Variants in ARHGAP32 observed in about 807,000 individuals in gnomAD.
ARHGAP32 encodes the protein rho GTPase-activating protein 32.
ARHGAP32 carries 51 observed loss-of-function variants against 186.5 expected under a neutral mutation model. The observed-to-expected ratio is 0.27, with a 90% confidence interval of 0.22 to 0.35. The LOEUF is 0.35. ARHGAP32 is among the 10% of genes least tolerant of loss of function. ARHGAP32 has a pLI of 1.00. For synonymous variants in ARHGAP32, 950 were observed against 964.3 expected, an observed-to-expected ratio of 0.99 and a Z score of 0.27; for missense variants, 2,186 against 2,623.5, an observed-to-expected ratio of 0.83 and a Z score of 3.64.
At chr11:129,196,893 C>T (rs1944398978), upstream of ARHGAP32, among the ~76,000 whole-genome samples, 1 of 151,900 alleles carries the variant, frequency 6.6e-6, no homozygotes, top group African/African-American at 2.4e-5. Context: ...CCCGTCTCTA[C>T]TAAAAATATA....
At chr11:129,275,178 G>C (rs1314096385) in intron 1 of ARHGAP32, among the ~76,000 whole-genome samples, 1 of 152,132 alleles carries the variant, frequency 6.6e-6, no homozygotes, top group African/African-American at 2.4e-5. Context: ...ATAACACTCA[G>C]GAAAATAACT....
chr11:129,186,444 G>A (rs146385640), intron 1 of ARHGAP32, among the ~76,000 whole-genome samples: 82 of 152,292 alleles, frequency 5.4e-4, no homozygotes, highest in African/African-American at 2.0e-3. Context: ...AATGTTCTGA[G>A]ATTAAGGGAT....
chr11:128,976,240 C>T (rs995355421), intron 20 of ARHGAP32, among the ~76,000 whole-genome samples: 4 of 151,984 alleles, frequency 2.6e-5, no homozygotes, highest in African/African-American at 9.7e-5. Flanking sequence ...AACTCTTATG[C>T]TCCCATTGTA....
intron 1 of ARHGAP32, among the ~76,000 whole-genome samples, chr11:129,200,044 C>T (rs1387242524): frequency 6.6e-6 from 1 of 152,146 alleles, no homozygotes; most frequent in Non-Finnish European, 1.5e-5. Flanking sequence ...GGCCCTGTAG[C>T]CCCTTTGGTT....
chr11:129,049,310 G>A (rs1565395722), intron 10 of ARHGAP32, among the ~76,000 whole-genome samples: 1 of 152,188 alleles, frequency 6.6e-6, no homozygotes, highest in African/African-American at 2.4e-5. Flanking sequence ...AGAAGAGACA[G>A]ATATGATCAA....
chr11:129,123,018 G>A lies in ARHGAP32; in HGVS notation c.444+428C>T, dbSNP rs1487527824. On this transcript the variant is annotated intron_variant, in intron 5 of 22. Transcript: ENST00000682385. The surrounding 1 kb of genome is among the most constrained non-coding windows in gnomAD (Gnocchi z 4.6). ...GATGTCAAGTTAGATTCAATAATTT[G>A]TATGTGAATGAAAAGGCAGTAACAG... Among the ~76,000 whole-genome samples the A allele has an allele frequency of 6.6e-6, 1 of 152,052 alleles. No homozygotes were observed. The highest frequency in any genetic ancestry group is 2.4e-5 in the African/African-American group (1 of 41,426).
chr11:129,015,464 T>C (rs1565376732), intron 11 of ARHGAP32, among the ~76,000 whole-genome samples: 1 of 152,222 alleles, frequency 6.6e-6, no homozygotes, highest in South Asian at 2.1e-4. Context: ...AATCTTAACA[T>C]TGTGCCACAT....
chr11:129,114,783 G>A (rs1942317593), intron 5 of ARHGAP32, among the ~76,000 whole-genome samples: 1 of 151,956 alleles, frequency 6.6e-6, no homozygotes, highest in Admixed American at 6.6e-5. Context: ...ATCTATCTTT[G>A]GAGTTATTTT....
In ARHGAP32 at chr11:129,258,750, G is replaced by T. The variant is rs190669655; in HGVS notation, c.-5+20396C>A. The stretch of plus-strand genomic sequence containing the variant: ...AAACTTCCTAAATAATTTTTCACAG[G>T]ACTATGATGAACAAATTCTCCAACT... On this transcript the variant is annotated intron_variant, in intron 1 of 6. Coordinates refer to the ARHGAP32 transcript ENST00000525234. Among the ~76,000 whole-genome samples the T allele has an allele frequency of 5.9e-5, 9 of 152,260 alleles. No individual in the cohort carries two copies. In the East Asian group the frequency reaches 1.7e-3, roughly 29 times the overall value.
intron 1 of ARHGAP32, among the ~76,000 whole-genome samples, chr11:129,165,929 T>C (rs939135639): frequency 5.9e-5 from 9 of 152,122 alleles, no homozygotes; most frequent in South Asian, 4.1e-4. Flanking sequence ...GAGGAATACA[T>C]AAGAAGAATT....
chr11:129,128,892 T>C (rs572869514), intron 2 of ARHGAP32, among the ~76,000 whole-genome samples: 2 of 152,184 alleles, frequency 1.3e-5, no homozygotes, highest in African/African-American at 4.8e-5. Context: ...GTGCTCAATG[T>C]TGCCCAGGCT....
In ARHGAP32 at chr11:129,009,248, AT is replaced by A. The variant is rs568573523; in HGVS notation, c.1046-10781del. Among the ~76,000 whole-genome samples, 898 of 151,798 alleles carry A rather than the reference AT, an allele frequency of 5.9e-3. 14 individuals carry two copies. The highest frequency in any genetic ancestry group is 0.02 in the African/African-American group (848 of 41,420). On this transcript the variant is annotated intron_variant, in intron 11 of 22. Transcript: ENST00000682385. ...ATTAGGAATATTGCTAGGTAACTTA[AT>A]TTTTTTTTCTGCTTTAGTAGAATAA... is the stretch of plus-strand genomic sequence containing the variant.
chr11:129,126,646 G>A (rs1047488817), intron 2 of ARHGAP32, among the ~76,000 whole-genome samples: 4 of 151,786 alleles, frequency 2.6e-5, no homozygotes, highest in Non-Finnish European at 5.9e-5. Context: ...TAATAAAGAC[G>A]GCAAAACAAC....
In ARHGAP32 at chr11:128,985,866, A is replaced by G. The variant is rs982167880; in HGVS notation, c.1526+137T>C. 1.4e-3 allele frequency: 263 copies of G among 193,940 alleles called. 17 individuals carry two copies. The highest frequency in any genetic ancestry group is 1.8e-3 in the Non-Finnish European group (185 of 101,538). The allele number at this position is 193,940 out of a possible 1,614,324, so 12.0% of individuals were successfully genotyped here. A position where few individuals can be genotyped will look rare whatever the true frequency, so the allele number is the denominator to read the frequency against. ...TGTGTGTGTGTGTGTGTGTATATAT[A>G]TATATATATATATATATATGAAATG... On this transcript the variant is annotated intron_variant, in intron 15 of 22. Transcript: ENST00000682385.
At chr11:129,062,439 G>T in intron 9 of ARHGAP32, 82 bp from the exon 10 acceptor site, 2 of 1,162,526 alleles carry the variant, frequency 1.7e-6, no homozygotes, top group Non-Finnish European at 2.5e-6. Context: ...AATCCGAACT[G>T]TATGAAAAGG....
intron 1 of ARHGAP32, among the ~76,000 whole-genome samples, chr11:129,179,463 T>C (rs1241831181): frequency 6.6e-6 from 1 of 152,176 alleles, no homozygotes; most frequent in African/African-American, 2.4e-5. Context: ...CAAAGGATTA[T>C]AAATCATGCT....
chr11:129,083,064 C>A (rs943210755), intron 6 of ARHGAP32, among the ~76,000 whole-genome samples: 3 of 152,084 alleles, frequency 2.0e-5, no homozygotes, highest in African/African-American at 7.2e-5. Context: ...CTTACTTCTG[C>A]AAGAATGGCC....
At chr11:129,235,116 G>C (rs990763685) in intron 1 of ARHGAP32, among the ~76,000 whole-genome samples, 4 of 152,164 alleles carry the variant, frequency 2.6e-5, no homozygotes, top group African/African-American at 9.7e-5. Flanking sequence ...AAATACAAAA[G>C]AGAAGGCCAC....
In ARHGAP32 at chr11:128,966,904, T is replaced by A. The variant is rs1945234071; in HGVS notation, c.*2003A>T. 1 of 152,234 alleles carries A rather than the reference T, an allele frequency of 6.6e-6. No homozygotes were observed. The highest frequency in any genetic ancestry group is 2.4e-5 in the African/African-American group (1 of 41,460). The allele number at this position is 152,234 out of a possible 1,614,324, so 9.4% of individuals were successfully genotyped here. A position where few individuals can be genotyped will look rare whatever the true frequency, so the allele number is the denominator to read the frequency against. ...AGTGCCACATATTCACCAAAGGTCA[T>A]ACTCCTGTATGTAGCACCCAGGGTG... On this transcript the variant is annotated 3_prime_UTR_variant, in exon 23 of 23. Coordinates refer to ENST00000682385, the MANE Select transcript of ARHGAP32 (RefSeq NM_001378024.1).
Sources: gnomAD v4.1 joint callset for allele counts (sites outside exome capture counted in the v4.1 genomes callset) on GRCh38, gnomAD v4.1.1 for gene constraint, Gnocchi (gnomAD v3.1) non-coding constraint, MANE v1.5 for transcripts, NCBI Gene and HGNC (gene_info 2026-07-23, HGNC 2026-07-21) for gene names.